The following NKAIN2 variants were observed in gnomAD, a reference collection of about 807,000 sequenced individuals.
NKAIN2 encodes sodium/potassium-transporting ATPase subunit beta-1-interacting protein 2.
A neutral mutation model predicts 32.6 loss-of-function variants in NKAIN2; 14 were observed. The ratio of observed to expected loss-of-function variants is 0.43; its 90% confidence interval spans 0.28 to 0.67. The LOEUF is 0.67. NKAIN2 is among the 30% of genes least tolerant of loss of function. The pLI is 0.17. For missense variants in NKAIN2, 198 were observed against 258.3 expected (o/e 0.77, Z 1.60); for synonymous variants, 80 against 87.2 (o/e 0.92, Z 0.46).
chr6:123,825,399 T>A (rs540219183), intron 1 of NKAIN2, among the ~76,000 whole-genome samples: 9 of 152,186 alleles, frequency 5.9e-5, no homozygotes, highest in Non-Finnish European at 1.0e-4. Flanking sequence ...TACTAGTTAA[T>A]TGATAAGTTT....
intron 1 of NKAIN2, among the ~76,000 whole-genome samples, chr6:124,214,999 C>A (rs1014154914): frequency 5.9e-5 from 9 of 151,302 alleles, no homozygotes; most frequent in African/African-American, 1.7e-4. Context: ...AACAAAAATA[C>A]CAAGCAAACA....
chr6:124,613,926 C>T (rs1782787163), intron 3 of NKAIN2, among the ~76,000 whole-genome samples: 1 of 152,160 alleles, frequency 6.6e-6, no homozygotes, highest in Non-Finnish European at 1.5e-5. Context: ...GCTACCATTT[C>T]AGTCTTTCAA....
At chr6:124,211,463 G>T (rs371255260) in intron 1 of NKAIN2, among the ~76,000 whole-genome samples, 1 of 151,822 alleles carries the variant, frequency 6.6e-6, no homozygotes, top group Non-Finnish European at 1.5e-5. Flanking sequence ...TAGGACACTT[G>T]TTATTTGTTA....
At chr6:124,252,100 G>A (rs1002165606) in intron 1 of NKAIN2, among the ~76,000 whole-genome samples, 14 of 151,974 alleles carry the variant, frequency 9.2e-5, no homozygotes, top group African/African-American at 2.9e-4. Context: ...GGTAACATTT[G>A]CAACAGCATG....
chr6:124,572,382 C>T (rs565804973), intron 3 of NKAIN2, among the ~76,000 whole-genome samples: 88 of 152,274 alleles, frequency 5.8e-4, no homozygotes, highest in African/African-American at 1.8e-3. Flanking sequence ...ACTAAATGTA[C>T]TAAATTATCG....
chr6:124,282,713 A>C (rs1439485579), intron 1 of NKAIN2, among the ~76,000 whole-genome samples: 1 of 152,208 alleles, frequency 6.6e-6, no homozygotes, highest in Non-Finnish European at 1.5e-5. Context: ...GACAGTGCAC[A>C]TGACAATATA....
chr6:123,831,064 A>G (rs1406458759), intron 1 of NKAIN2, among the ~76,000 whole-genome samples: 1 of 152,338 alleles, frequency 6.6e-6, no homozygotes, highest in African/African-American at 2.4e-5. Context: ...GAGCATGAAG[A>G]CTAAAAATGA....
chr6:123,855,339 C>T (rs1046834784), intron 1 of NKAIN2, among the ~76,000 whole-genome samples: 11 of 152,038 alleles, frequency 7.2e-5, no homozygotes, highest in African/African-American at 1.7e-4. Flanking sequence ...ATTTAGAACC[C>T]GGGTGGCACA....
At chr6:124,342,164 G>A (rs1798143289) in intron 2 of NKAIN2, among the ~76,000 whole-genome samples, 1 of 152,046 alleles carries the variant, frequency 6.6e-6, no homozygotes, top group Admixed American at 6.6e-5. Flanking sequence ...CACTTTGGGA[G>A]GCCAAGGCAG....
intron 4 of NKAIN2, among the ~76,000 whole-genome samples, chr6:124,754,137 A>G (rs1482709356): frequency 1.3e-5 from 2 of 152,076 alleles, no homozygotes; most frequent in African/African-American, 2.4e-5. Context: ...TGAGTTTGCA[A>G]TTGTGTACTA....
At chr6:124,190,496 C>A (rs919703527) in intron 1 of NKAIN2, among the ~76,000 whole-genome samples, 1 of 152,166 alleles carries the variant, frequency 6.6e-6, no homozygotes, top group African/African-American at 2.4e-5. Flanking sequence ...ACCAGTCTGG[C>A]AGGTTCTTTT....
chr6:124,468,861 C>A (rs946233264), intron 3 of NKAIN2, among the ~76,000 whole-genome samples: 45 of 152,252 alleles, frequency 3.0e-4, no homozygotes, highest in African/African-American at 8.7e-4. Flanking sequence ...CTAGAAAATT[C>A]TATAACATAG....
chr6:124,107,229 G>C (rs915862984), intron 1 of NKAIN2, among the ~76,000 whole-genome samples: 3 of 152,190 alleles, frequency 2.0e-5, no homozygotes, highest in African/African-American at 7.2e-5. Context: ...CGTACCCGCA[G>C]AGCTTTGCAA....
chr6:124,204,440 A>G lies in NKAIN2; in HGVS notation c.55-78565A>G, dbSNP rs1049526293. On this transcript the variant is annotated intron_variant, in intron 1 of 6. Coordinates refer to ENST00000368417, the MANE Select transcript of NKAIN2 (RefSeq NM_001040214.3). ...CACTTTAAAAGCATAACTGACAAAA[A>G]AATATGAAAAAATAAATGAGAGGAC... 7.2e-5 allele frequency among the ~76,000 whole-genome samples: 11 copies of G among 151,956 alleles called. No homozygotes were observed. In the East Asian group the frequency reaches 2.1e-3, roughly 29 times the overall value.
intron 4 of NKAIN2, among the ~76,000 whole-genome samples, chr6:124,745,407 G>C (rs1777402953): frequency 6.6e-6 from 1 of 151,834 alleles, no homozygotes; most frequent in South Asian, 2.1e-4. Flanking sequence ...TTTATGTAAG[G>C]ATGAATTTAA....
At chr6:124,128,729 A>G (rs1401257240) in intron 1 of NKAIN2, among the ~76,000 whole-genome samples, 1 of 152,202 alleles carries the variant, frequency 6.6e-6, no homozygotes, top group Non-Finnish European at 1.5e-5. Flanking sequence ...TCTTGCTGAC[A>G]TTCATACATT....
chr6:124,410,352 A>C (rs571433079), intron 3 of NKAIN2, among the ~76,000 whole-genome samples: 1 of 152,306 alleles, frequency 6.6e-6, no homozygotes, highest in Non-Finnish European at 1.5e-5. Flanking sequence ...TTCCCTCTAC[A>C]CACTGCTTTG....
chr6:124,131,440 A>G (rs886080697), intron 1 of NKAIN2, among the ~76,000 whole-genome samples: 20 of 152,202 alleles, frequency 1.3e-4, no homozygotes, highest in Non-Finnish European at 1.5e-5. Flanking sequence ...CACACTGTGA[A>G]CTTTGTTCCG....
chr6:124,013,693 G>T (rs1261780222), intron 1 of NKAIN2, among the ~76,000 whole-genome samples: 2 of 152,156 alleles, frequency 1.3e-5, no homozygotes, highest in South Asian at 2.1e-4. Flanking sequence ...TATGATCAGG[G>T]TTGTTAAACA....
Sources: allele counts gnomAD v4.1 joint callset (sites outside exome capture counted in the v4.1 genomes callset), GRCh38; gene constraint gnomAD v4.1.1; transcripts MANE v1.5; gene names NCBI Gene and HGNC (gene_info 2026-07-23, HGNC 2026-07-21).